LPP: variants seen among roughly 807,000 people sequenced by gnomAD.
The protein encoded by LPP is lipoma-preferred partner.
LPP carries 38 observed loss-of-function variants against 60.4 expected under a neutral mutation model. The ratio of observed to expected loss-of-function variants is 0.63; its 90% CI spans 0.49 to 0.83. LPP has a LOEUF of 0.83. LPP is among the 40% of genes least tolerant of loss of function. LPP has a pLI of 0.00. For synonymous variants in LPP, 328 were observed against 290.8 expected (o/e 1.13, Z -1.30); for missense variants, 902 against 783.6 (o/e 1.15, Z -1.80).
chr3:188,228,643 A>G (rs1233886776), intron 2 of LPP, among the ~76,000 whole-genome samples: 2 of 152,160 alleles, frequency 1.3e-5, no homozygotes, highest in Admixed American at 6.5e-5. Context: ...AAAATCCCAA[A>G]TGACTGGACA....
At position 188,847,293 on chromosome 3, in the gene LPP, A is replaced by C. The variant is rs1018112946; in HGVS notation, c.1411-18907A>C. ...TGTTGCAGTTGTACTGTCAGGACTG[A>C]TGAAAACCTAAACTAAGGTGGAAGC... On this transcript the variant is annotated intron_variant, in intron 9 of 11. Transcript: ENST00000617246. Among the ~76,000 whole-genome samples, 8 of 152,308 alleles carry C rather than the reference A, an allele frequency of 5.3e-5. No homozygotes were observed. In the East Asian group the frequency reaches 1.2e-3, roughly 22 times the overall value.
chr3:188,493,011 A>G (rs1405830238), intron 5 of LPP, among the ~76,000 whole-genome samples: 1 of 151,994 alleles, frequency 6.6e-6, no homozygotes, highest in African/African-American at 2.4e-5. Flanking sequence ...GCTATTTTCT[A>G]TTTACTATCT....
chr3:188,458,712 C>T (rs2149410314), intron 4 of LPP, among the ~76,000 whole-genome samples: 1 of 152,306 alleles, frequency 6.6e-6, no homozygotes, highest in Admixed American at 6.5e-5. Context: ...ATGTCTAAAA[C>T]ATCTCTCAAC....
chr3:188,209,020 C>T (rs576794992), intron 1 of LPP, among the ~76,000 whole-genome samples: 1 of 152,256 alleles, frequency 6.6e-6, no homozygotes, highest in African/African-American at 2.4e-5. Flanking sequence ...TATAACTGCT[C>T]TGAGATATAA....
intron 9 of LPP, among the ~76,000 whole-genome samples, chr3:188,764,540 A>G (rs1327926847): frequency 6.6e-6 from 1 of 152,180 alleles, no homozygotes; most frequent in South Asian, 2.1e-4. Context: ...ATAAGGACAC[A>G]TATTAAAAGC....
chr3:188,468,699 AC>A (rs1172739145), intron 4 of LPP, among the ~76,000 whole-genome samples: 4 of 152,132 alleles, frequency 2.6e-5, no homozygotes, highest in Non-Finnish European at 5.9e-5. Context: ...TGGCAAATGG[AC>A]CTGGGACAAA....
rs138643197 is a variant in LPP, at chr3:188,217,763, C to T, written c.-189-7642C>T. 1.6e-3 allele frequency among the ~76,000 whole-genome samples: 240 copies of T among 152,198 alleles called. No individual in the cohort carries two copies. Among genetic ancestry groups the T allele is most frequent in the African/African-American group, 5.6e-3 (233 of 41,514 alleles). ...GGGGGTTGCCCAGATAAGCAGCTGGCGTTCCAAGACCAAAGAGTATCTGTT... is the reference window on the plus strand; with the variant it reads ...GGGGGTTGCCCAGATAAGCAGCTGGTGTTCCAAGACCAAAGAGTATCTGTT... On this transcript the variant is annotated intron_variant, in intron 1 of 11. Coordinates refer to ENST00000617246, the MANE Select transcript of LPP (RefSeq NM_001375462.1). The surrounding 1 kb of genome is among the most constrained non-coding windows in gnomAD (Gnocchi z 4.0).
intron 3 of LPP, among the ~76,000 whole-genome samples, chr3:188,395,366 G>A (rs1162236439): frequency 3.3e-5 from 5 of 151,854 alleles, no homozygotes; most frequent in Non-Finnish European, 5.9e-5. Context: ...TTAGAGAGGC[G>A]AGCCACCATT....
In LPP at chr3:188,439,811, A is replaced by C. The variant is rs1578900836; in HGVS notation, c.193+33498A>C. Among the ~76,000 whole-genome samples the C allele has an allele frequency of 2.6e-5, 4 of 152,294 alleles. No homozygotes were observed. The South Asian group carries it at 8.3e-4, about 32-fold the overall frequency. The stretch of plus-strand genomic sequence containing the variant: ...CCTAGTTATTGTTCACTATATTACC[A>C]AGTTAACCACAGGGAAAACAAGTTC... On this transcript the variant is annotated intron_variant, in intron 4 of 11. Coordinates refer to ENST00000617246, the MANE Select transcript of LPP (RefSeq NM_001375462.1).
At chr3:188,360,044 T>C (rs933296025) in intron 3 of LPP, among the ~76,000 whole-genome samples, 2 of 152,196 alleles carry the variant, frequency 1.3e-5, no homozygotes, top group African/African-American at 4.8e-5. Flanking sequence ...CCCATTATTT[T>C]AGACCTTCTT....
At chr3:188,478,843 C>T (rs1803946941) in intron 4 of LPP, among the ~76,000 whole-genome samples, 2 of 152,098 alleles carry the variant, frequency 1.3e-5, no homozygotes, top group Admixed American at 1.3e-4. Flanking sequence ...GCAACCTCCG[C>T]CTCCCGGTTC....
intron 7 of LPP, among the ~76,000 whole-genome samples, chr3:188,620,302 C>T (rs1186568184): frequency 6.6e-6 from 1 of 151,990 alleles, no homozygotes; most frequent in East Asian, 1.9e-4. Context: ...GGAAGAAATC[C>T]TCTACCAATG....
At position 188,888,894 on chromosome 3, in the gene LPP, G is replaced by A. The variant is rs182059257; in HGVS notation, c.*14415G>A. The A allele has an allele frequency of 2.6e-3, 577 of 220,202 alleles. 2 individuals carry two copies. The highest frequency in any genetic ancestry group is 4.3e-3 in the Non-Finnish European group (470 of 109,646). 13.6% of individuals were successfully genotyped at this position (220,202 alleles called of 1,614,324 possible). On this transcript the variant is annotated 3_prime_UTR_variant, in exon 12 of 12. Transcript: ENST00000617246. ...CTACTGGATGGTAGCATATTGCTAA[G>A]GTTTCCTGTACTCTGCTTCAAGGGA...
chr3:188,796,846 T>G (rs1326616977), intron 9 of LPP, among the ~76,000 whole-genome samples: 1 of 152,112 alleles, frequency 6.6e-6, no homozygotes, highest in Non-Finnish European at 1.5e-5. Flanking sequence ...CCAGGATACT[T>G]TCCATTTTTC....
rs565529496 is a variant in LPP, at chr3:188,775,976, T to C, written c.1410+15694T>C. Among the ~76,000 whole-genome samples, 28 of 152,356 alleles carry C rather than the reference T, an allele frequency of 1.8e-4. No homozygotes were observed. In the South Asian group the frequency reaches 5.8e-3, roughly 32 times the overall value. On this transcript the variant is annotated intron_variant, in intron 9 of 11. Coordinates refer to ENST00000617246, the MANE Select transcript of LPP (RefSeq NM_001375462.1). Reference sequence around the variant, plus strand: ...CACATGTCCATTGAATATTTTTAACTGAAAAGTGAACTATTTGCCAGTTTT... The same window carrying C: ...CACATGTCCATTGAATATTTTTAACCGAAAAGTGAACTATTTGCCAGTTTT...
chr3:188,335,167 G>T (rs1185655425), intron 2 of LPP, among the ~76,000 whole-genome samples: 2 of 152,158 alleles, frequency 1.3e-5, no homozygotes, highest in African/African-American at 4.8e-5. Flanking sequence ...ATGACTGTGG[G>T]TTTATCATGT....
intron 2 of LPP, chr3:188,247,273 A>C (rs559155715): frequency 4.8e-6 from 3 of 620,508 alleles, no homozygotes; most frequent in East Asian, 1.4e-4. Flanking sequence ...AAAAAAAAAA[A>C]ACGCTGAGGC....
chr3:188,632,114 G>C (rs1847943337), intron 7 of LPP, among the ~76,000 whole-genome samples: 1 of 152,126 alleles, frequency 6.6e-6, no homozygotes, highest in South Asian at 2.1e-4. Context: ...CTCAGAAATA[G>C]TTATTCCTTT....
chr3:188,318,750 A>ATTTTTTTTTTTTTTTTTTT (rs1578073052), intron 2 of LPP, among the ~76,000 whole-genome samples: 1 of 120,516 alleles, frequency 8.3e-6, no homozygotes. Flanking sequence ...AAAAATTATG[A>ATTTTTTTTTTTTTTTTTTT]TTCTTTTTTT....
Sources: gnomAD v4.1 joint callset for allele counts (sites outside exome capture counted in the v4.1 genomes callset) on GRCh38, gnomAD v4.1.1 for gene constraint, Gnocchi (gnomAD v3.1) non-coding constraint, MANE v1.5 for transcripts, NCBI Gene and HGNC (gene_info 2026-07-23, HGNC 2026-07-21) for gene names.